Variants in PCDHGB1 observed in about 807,000 individuals in gnomAD.
PCDHGB1 encodes protocadherin gamma subfamily B, 1.
Under a neutral mutation model 56.6 loss-of-function variants are expected in PCDHGB1, and 34 were observed. The ratio of observed to expected loss-of-function variants is 0.60; its 90% CI spans 0.46 to 0.80. The LOEUF (loss-of-function observed/expected upper bound fraction) is 0.80, where lower values mean the gene tolerates loss of function less well. PCDHGB1 is among the 30% of genes least tolerant of loss of function. The pLI, the probability that PCDHGB1 is intolerant of heterozygous loss-of-function variation, is 0.00. For missense variants in PCDHGB1, 1,278 were observed against 1,204.6 expected, an observed-to-expected ratio of 1.06 and a Z score of -0.90; for synonymous variants, 561 against 505.9, an observed-to-expected ratio of 1.11 and a Z score of -1.46.
At chr5:141,372,078 G>C in intron 1 of PCDHGB1, 1 of 1,613,738 alleles carries the variant, frequency 6.2e-7, no homozygotes. Context: ...TGCACCGCTG[G>C]TGCTGTACCC....
rs1411664231 is a variant in PCDHGB1 at position 141,390,362 on chromosome 5, GA to G, written c.2409+37697del. 3.9e-6 allele frequency: 6 copies of G among 1,532,890 alleles called. No individual in the cohort carries two copies. In the African/African-American group the frequency reaches 8.3e-5, roughly 21 times the overall value. 95.0% of individuals were successfully genotyped at this position (1,532,890 alleles called of 1,614,324 possible). ...CACAAGAAAATATACATATTTGCAG[GA>G]AAATATATAATTTTTAGATGTCATG... On this transcript the variant is annotated intron_variant, in intron 1 of 3. Coordinates refer to ENST00000523390, the MANE Select transcript of PCDHGB1 (RefSeq NM_018922.3).
rs1003050993 is a variant in PCDHGB1, at chr5:141,477,637, T to A, written c.2410-17170T>A. ...AAGGAGCTGAAACCGGGCTAGTGGG[T>A]CGCTATTTCACAATAAATCGTGACA... On this transcript the variant is annotated intron_variant, in intron 1 of 3. Transcript: ENST00000523390. This position sits in a 1 kb window ranked among gnomAD's most constrained non-coding sequence, Gnocchi z 4.9. 6.2e-7 allele frequency: 1 copy of A among 1,614,154 alleles called. No individual in the cohort carries two copies. Among genetic ancestry groups the A allele is most frequent in the African/African-American group, 1.3e-5 (1 of 75,040 alleles).
At chr5:141,389,341 CT>C in intron 1 of PCDHGB1, 1 of 1,614,016 alleles carries the variant, frequency 6.2e-7, no homozygotes, top group Admixed American at 1.7e-5. Flanking sequence ...GGCCAAGTCT[CT>C]TACTGCATCA....
chr5:141,486,644 T>G lies in PCDHGB1; in HGVS notation c.2410-8163T>G, dbSNP rs765487821. ...AGACTCTGGCTTGAATGCGCTTATC[T>G]CCTACTCACTCCTGGAGCCCAGGAA... On this transcript the variant is annotated intron_variant, in intron 1 of 3. Transcript: ENST00000523390. This position sits in a 1 kb window ranked among gnomAD's most constrained non-coding sequence, Gnocchi z 5.0. 9.3e-6 allele frequency: 15 copies of G among 1,613,722 alleles called. 2 individuals carry two copies. The Middle Eastern group carries it at 6.6e-4, about 71-fold the overall frequency.
chr5:141,358,900 G>A (rs1761050942), intron 1 of PCDHGB1, among the ~76,000 whole-genome samples: 2 of 152,260 alleles, frequency 1.3e-5, no homozygotes, highest in Middle Eastern at 3.4e-3. Flanking sequence ...TTTTATATGA[G>A]GGAAAATATT....
At chr5:141,427,901 G>C (rs2097088177) in intron 1 of PCDHGB1, 6 of 1,572,234 alleles carry the variant, frequency 3.8e-6, no homozygotes, top group East Asian at 2.2e-5. Flanking sequence ...GCTCGCCCGC[G>C]CTCAGCGCCA....
chr5:141,399,631 T>A lies in PCDHGB1; in HGVS notation c.2409+46962T>A, dbSNP rs1251761184. On this transcript the variant is annotated intron_variant, in intron 1 of 3. Transcript: ENST00000523390. ...GCCTCTGGCACTGGCCTCTTACGTGTCCATGAGCGCGCAAAGTGGGGTGGT... is the reference window on the plus strand; with the variant it reads ...GCCTCTGGCACTGGCCTCTTACGTGACCATGAGCGCGCAAAGTGGGGTGGT... 31 of 1,613,746 alleles carry A rather than the reference T, an allele frequency of 1.9e-5. No homozygotes were observed. The highest frequency in any genetic ancestry group is 2.4e-5 in the Non-Finnish European group (28 of 1,179,892).
intron 1 of PCDHGB1, chr5:141,357,581 C>G: frequency 6.2e-7 from 1 of 1,614,192 alleles, no homozygotes. Flanking sequence ...CTTCTGATAA[C>G]TCAGGATTTA....
At chr5:141,444,152 A>ATTTTT (rs747671382) in intron 1 of PCDHGB1, among the ~76,000 whole-genome samples, 10 of 33,898 alleles carry the variant, frequency 3.0e-4, no homozygotes, top group Middle Eastern at 0.019. Context: ...TGTGTACTGG[A>ATTTTT]TTTTTTTTTT....
intron 1 of PCDHGB1, chr5:141,420,342 T>C: frequency 7.2e-7 from 1 of 1,388,390 alleles, no homozygotes; most frequent in Non-Finnish European, 9.6e-7. Flanking sequence ...AATATAGTGG[T>C]ATTATTTTAA....
At position 141,422,526 on chromosome 5, in the gene PCDHGB1, G is replaced by A. The variant is rs956066609; in HGVS notation, c.2409+69857G>A. 9 of 1,613,866 alleles carry A rather than the reference G, an allele frequency of 5.6e-6. No homozygotes were observed. In the African/African-American group the frequency reaches 1.1e-4, roughly 19 times the overall value. The stretch of plus-strand genomic sequence containing the variant: ...CCACAGACCAGGGAAGCCCGCCTTT[G>A]TCTGCAGAAACTCATGTCTGGCTGA... On this transcript the variant is annotated intron_variant, in intron 1 of 3. Coordinates refer to ENST00000523390, the MANE Select transcript of PCDHGB1 (RefSeq NM_018922.3).
At chr5:141,478,545 A>C in intron 1 of PCDHGB1, 1 of 1,605,606 alleles carries the variant, frequency 6.2e-7, no homozygotes, top group Non-Finnish European at 8.5e-7. Flanking sequence ...CCTCCCGGAC[A>C]GGTAAGGTTT....
intron 1 of PCDHGB1, chr5:141,366,887 A>T (rs1444897635): frequency 9.5e-6 from 12 of 1,269,488 alleles, no homozygotes; most frequent in Non-Finnish European, 1.3e-5. Flanking sequence ...AATTTTTTTT[A>T]TATAATTCAT....
chr5:141,501,664 TATAG>T (rs1161034391), intron 2 of PCDHGB1, among the ~76,000 whole-genome samples: 1 of 152,064 alleles, frequency 6.6e-6, no homozygotes, highest in East Asian at 1.9e-4. Flanking sequence ...TGTTGGAAAA[TATAG>T]ATAATCACAA....
At chr5:141,413,606 T>C (rs756987695) in intron 1 of PCDHGB1, 1 of 1,613,848 alleles carries the variant, frequency 6.2e-7, no homozygotes, top group Admixed American at 1.7e-5. Context: ...AATCTAGACG[T>C]AAAAATTAAT....
At chr5:141,416,687 A>G (rs1283053610) in intron 1 of PCDHGB1, 1 of 152,270 alleles carries the variant, frequency 6.6e-6, no homozygotes, top group Non-Finnish European at 1.5e-5. Flanking sequence ...GGGAAATTAT[A>G]TAAACAAAGG....
intron 1 of PCDHGB1, chr5:141,389,877 A>T: frequency 6.2e-7 from 1 of 1,614,088 alleles, no homozygotes; most frequent in South Asian, 1.1e-5. Context: ...CTTCGCCGAC[A>T]GCTTGCAGGA....
intron 1 of PCDHGB1, chr5:141,423,540 C>T (rs961504938): frequency 6.2e-7 from 1 of 1,613,606 alleles, no homozygotes; most frequent in Non-Finnish European, 8.5e-7. Context: ...ACCTGATTTT[C>T]CCCCAGCCCA....
intron 1 of PCDHGB1, chr5:141,423,184 C>T (rs747938944): frequency 9.3e-6 from 15 of 1,613,442 alleles, no homozygotes; most frequent in Non-Finnish European, 1.2e-5. Context: ...CCACGGCCAG[C>T]CCCCTCTCTC....
Sources: gnomAD v4.1 joint callset for allele counts (sites outside exome capture counted in the v4.1 genomes callset) on GRCh38, gnomAD v4.1.1 for gene constraint, Gnocchi (gnomAD v3.1) non-coding constraint, MANE v1.5 for transcripts, NCBI Gene and HGNC (gene_info 2026-07-23, HGNC 2026-07-21) for gene names.